Variants in MRPL38 observed in about 807,000 individuals in gnomAD.
MRPL38 encodes the protein large ribosomal subunit protein mL38.
A neutral mutation model predicts 52.1 loss-of-function variants in MRPL38; 51 were observed. The ratio of observed to expected loss-of-function variants is 0.98; its 90% CI spans 0.78 to 1.24. The LOEUF (loss-of-function observed/expected upper bound fraction) is 1.24. Among genes scored for constraint, MRPL38 ranks in the 50% most tolerant of loss-of-function variants. The pLI is 0.00. For synonymous variants in MRPL38, 245 were observed against 212.7 expected, an observed-to-expected ratio of 1.15 and a Z score of -1.32; for missense variants, 527 against 518.6, an observed-to-expected ratio of 1.02 and a Z score of -0.16.
chr17:75,904,378 A>AT, intron 2 of MRPL38, 162 bp downstream of exon 2: 1 of 802,394 alleles, frequency 1.2e-6, no homozygotes, highest in Non-Finnish European at 2.2e-6. Context: ...TCCTGGGGTG[A>AT]TTAAGCTGCC....
Position 75,901,030 on chromosome 17 carries a change from G to A in MRPL38, c.665-3C>T. 3 of 1,611,866 alleles carry A rather than the reference G, an allele frequency of 1.9e-6. No homozygotes were observed. Among genetic ancestry groups the A allele is most frequent in the South Asian group, 1.1e-5 (1 of 90,706 alleles). On this transcript the variant is annotated splice_polypyrimidine_tract_variant and splice_region_variant and intron_variant, in intron 5 of 8. Coordinates refer to ENST00000309352, the MANE Select transcript of MRPL38 (RefSeq NM_032478.4). The surrounding 1 kb of genome is among the most constrained non-coding windows in gnomAD (Gnocchi z 5.7). ...ATCTGGCTCCAGCAGGTGCCCATCT[G>A]CACAAAAACACACCTGCTGACCACG...
At chr17:75,900,948 C>A (rs961501322) in intron 6 of MRPL38, 34 bp downstream of exon 6, 6 of 1,574,558 alleles carry the variant, frequency 3.8e-6, no homozygotes, top group Non-Finnish European at 5.1e-6. Flanking sequence ...CCCGCCTGGG[C>A]AGCACCCCCT....
Position 75,904,595 on chromosome 17 carries a change from C to G in MRPL38, c.192G>C (p.Glu64Asp). ...TCCGCCACCAGTGCGGGGCCTGCGC[C>G]TCCTGCTCTGCTCGGCGCCGGTAGC... is the stretch of plus-strand genomic sequence containing the variant. Reference protein sequence around the residue: ...FDRYRRRAEQEAQAPHWWRTY... With the variant: ...FDRYRRRAEQDAQAPHWWRTY... The change falls in exon 2 of 9, where the codon GAG becomes GAC. Residue 64 changes from glutamate to aspartate, a missense_variant. Glu to Asp is a conservative substitution (Grantham distance 45). Coordinates refer to ENST00000309352, the MANE Select transcript of MRPL38 (RefSeq NM_032478.4). 6.3e-7 allele frequency: 1 copy of G among 1,591,896 alleles called. No individual in the cohort carries two copies. The highest frequency in any genetic ancestry group is 2.2e-5 in the East Asian group (1 of 44,570).
Position 75,901,462 on chromosome 17 carries a change from G to A in MRPL38, c.592-189C>T, listed in dbSNP as rs1317483721. The A allele has an allele frequency of 4.4e-6, 3 of 689,466 alleles. No individual in the cohort carries two copies. Among genetic ancestry groups the A allele is most frequent in the Non-Finnish European group, 4.9e-6 (2 of 405,110 alleles). The allele number at this position is 689,466 out of a possible 1,614,324, so 42.7% of individuals were successfully genotyped here. ...CTGTCCAGGCAACAACCACAAAAAC[G>A]AACATGTGCCAAGGCCGGGCCAGGA... is the stretch of plus-strand genomic sequence containing the variant. On this transcript the variant is annotated intron_variant, in intron 4 of 8. Coordinates refer to ENST00000309352, the MANE Select transcript of MRPL38 (RefSeq NM_032478.4). The surrounding 1 kb of genome is among the most constrained non-coding windows in gnomAD (Gnocchi z 5.7).
rs771262264 is a variant in MRPL38 at position 75,902,037 on chromosome 17, G to C, written c.365C>G (p.Ala122Gly). 1 of 1,613,668 alleles carries C rather than the reference G, an allele frequency of 6.2e-7. No homozygotes were observed. Among genetic ancestry groups the C allele is most frequent in the East Asian group, 2.2e-5 (1 of 44,876 alleles). The change falls in exon 3 of 9, where the codon GCT becomes GGT. Residue 122 changes from alanine to glycine, a missense_variant. Transcript: ENST00000309352. ...ELRANVEEERAARLRTASVPL... is the reference protein window; with the variant it reads ...ELRANVEEERGARLRTASVPL... ...AGGCTTACCTGTGCGGAGGCGGGCAGCCCGCTCCTCTTCCACATTGGCCCG... is the reference window on the plus strand; with the variant it reads ...AGGCTTACCTGTGCGGAGGCGGGCACCCCGCTCCTCTTCCACATTGGCCCG...
At position 75,899,304 on chromosome 17, in the gene MRPL38, G is replaced by A. The variant is rs1441144524; in HGVS notation, c.870-10C>T. On this transcript the variant is annotated splice_polypyrimidine_tract_variant and intron_variant, in intron 7 of 8. Coordinates refer to ENST00000309352, the MANE Select transcript of MRPL38 (RefSeq NM_032478.4). ...CTGGGCCAGCTGATAGCTATGAGAA[G>A]ATAGAGAGCGTATGAGAGTGTGGAG... 1.2e-6 allele frequency: 2 copies of A among 1,611,706 alleles called. No homozygotes were observed. The highest frequency in any genetic ancestry group is 2.2e-5 in the East Asian group (1 of 44,866).
intron 6 of MRPL38, 129 bp downstream of exon 6, chr17:75,900,853 A>T: frequency 6.9e-7 from 1 of 1,451,776 alleles, no homozygotes. Flanking sequence ...CACCCTCAGG[A>T]GGCAGAGGTG....
At chr17:75,904,491 C>T in intron 2 of MRPL38, 49 bp downstream of exon 2, 3 of 1,468,876 alleles carry the variant, frequency 2.0e-6, no homozygotes, top group South Asian at 2.8e-5. Flanking sequence ...CCGGCGGGTC[C>T]CGAGTTCCCC....
At chr17:75,904,787 C>A in intron 1 of MRPL38, 22 bp downstream of exon 1, 2 of 1,296,778 alleles carry the variant, frequency 1.5e-6, no homozygotes, top group Middle Eastern at 2.6e-4. Flanking sequence ...CCCCCCCCCC[C>A]GCAGAGCTGC....
rs770023567 is a variant in MRPL38, at chr17:75,904,771, C to A, written c.67+38G>T. On this transcript the variant is annotated intron_variant, in intron 1 of 8. Transcript: ENST00000309352. ...CGGCGCCCCACAGCTCGGGCGACAG[C>A]CCCCCCCCCCCCCCCCGCAGAGCTG... is the stretch of plus-strand genomic sequence containing the variant. The A allele has an allele frequency of 2.9e-4, 6 of 20,698 alleles. No individual in the cohort carries two copies. In the South Asian group the frequency reaches 4.5e-3, roughly 16 times the overall value. The allele number at this position is 20,698 out of a possible 1,614,324, so 1.3% of individuals were successfully genotyped here.
At chr17:75,900,771 G>A in intron 6 of MRPL38, 1 of 1,392,924 alleles carries the variant, frequency 7.2e-7, no homozygotes, top group Admixed American at 3.2e-5. Flanking sequence ...TGTGGGGACT[G>A]ACCGAGGCCT....
Position 75,902,173 on chromosome 17 carries a change from TG to T in MRPL38, c.248-20del. 1 of 1,550,832 alleles carries T rather than the reference TG, an allele frequency of 6.4e-7. No homozygotes were observed. The highest frequency in any genetic ancestry group is 8.7e-7 in the Non-Finnish European group (1 of 1,146,524). On this transcript the variant is annotated intron_variant, in intron 2 of 8. Coordinates refer to ENST00000309352, the MANE Select transcript of MRPL38 (RefSeq NM_032478.4). ...TTGGGATCTGGAGTGGGAAGATGTG[TG>T]GGAAAAACAGGGTCATGACTCACTG...
intron 2 of MRPL38, among the ~76,000 whole-genome samples, chr17:75,902,940 G>A (rs935973386): frequency 6.6e-6 from 1 of 152,116 alleles, no homozygotes; most frequent in Non-Finnish European, 1.5e-5. Flanking sequence ...GGCTAGGCTG[G>A]AGGCTGTGTT....
At position 75,904,533 on chromosome 17, in the gene MRPL38, C is replaced by A; in HGVS notation, c.247+7G>T. Reference sequence around the variant, plus strand: ...TGGCTGCAGCCCCTGCTCCAGTCGCCCCGCACCTGTCTTCTCCCCGAAATA... The same window carrying A: ...TGGCTGCAGCCCCTGCTCCAGTCGCACCGCACCTGTCTTCTCCCCGAAATA... On this transcript the variant is annotated splice_region_variant and intron_variant, in intron 2 of 8. Coordinates refer to ENST00000309352, the MANE Select transcript of MRPL38 (RefSeq NM_032478.4). 6.5e-7 allele frequency: 1 copy of A among 1,528,422 alleles called. No homozygotes were observed. The highest frequency in any genetic ancestry group is 1.2e-5 in the South Asian group (1 of 81,126). 94.7% of individuals were successfully genotyped at this position (1,528,422 alleles called of 1,614,324 possible).
rs765054247 is a variant in MRPL38 at position 75,902,144 on chromosome 17, C to T, written c.258G>A (p.Glu86=). Residue 86 remains glutamate, a synonymous_variant, in exon 3 of 9, where the codon GAG becomes GAA. Coordinates refer to ENST00000309352, the MANE Select transcript of MRPL38 (RefSeq NM_032478.4). ...GTGGAGGCAGCCCAATATCAATCTT[C>T]TCTTTGGGATCTGGAGTGGGAAGAT... The part of the protein sequence containing the change: ...EYFGEKTDPK[E]KIDIGLPPPK... 1.3e-6 allele frequency: 2 copies of T among 1,560,930 alleles called. No homozygotes were observed. The highest frequency in any genetic ancestry group is 1.7e-6 in the Non-Finnish European group (2 of 1,152,414).
At position 75,904,596 on chromosome 17, in the gene MRPL38, T is replaced by C; in HGVS notation, c.191A>G (p.Glu64Gly). The part of the protein sequence containing the change: ...FDRYRRRAEQ[E>G]AQAPHWWRTY... Reference sequence around the variant, plus strand: ...CCGCCACCAGTGCGGGGCCTGCGCCTCCTGCTCTGCTCGGCGCCGGTAGCG... The same window carrying C: ...CCGCCACCAGTGCGGGGCCTGCGCCCCCTGCTCTGCTCGGCGCCGGTAGCG... Residue 64 changes from glutamate (E) to glycine (G), a missense_variant, in exon 2 of 9, where the codon GAG (glutamate) becomes GGG (glycine). Glu to Gly is a moderately conservative substitution (Grantham distance 98, BLOSUM62 -2). Coordinates refer to ENST00000309352, the MANE Select transcript of MRPL38 (RefSeq NM_032478.4). The C allele has an allele frequency of 6.3e-7, 1 of 1,591,652 alleles. No individual in the cohort carries two copies. The highest frequency in any genetic ancestry group is 8.5e-7 in the Non-Finnish European group (1 of 1,176,320).
rs2065388681 is a variant in MRPL38 at position 75,898,833 on chromosome 17, G to A, written c.*17C>T. 6.2e-7 allele frequency: 1 copy of A among 1,611,500 alleles called. No homozygotes were observed. ...GCCGATCAATCCCATGCTCTGAAAT[G>A]CGCACACTCTGGCTCCTTAGTAGAT... On this transcript the variant is annotated 3_prime_UTR_variant, in exon 9 of 9. Coordinates refer to ENST00000309352, the MANE Select transcript of MRPL38 (RefSeq NM_032478.4).
Position 75,901,894 on chromosome 17 carries a change from C to T in MRPL38, c.409G>A (p.Ala137Thr). The change falls in exon 4 of 9, where the codon GCC (alanine) becomes ACC (threonine). Residue 137 changes from alanine (A) to threonine (T), a missense_variant. Physicochemically the swap from Ala to Thr is moderately conservative, Grantham distance 58 (BLOSUM62 0). Transcript: ENST00000309352. The surrounding 1 kb of genome is among the most constrained non-coding windows in gnomAD (Gnocchi z 5.7). ...GGGCCACAGGTCCTCTCCCACTCGG[C>T]CCGCACGGCATCCAGCGGGACACTG... ...TASVPLDAVR[A>T]EWERTCGPYH... 6.2e-7 allele frequency: 1 copy of T among 1,612,526 alleles called. No homozygotes were observed. Among genetic ancestry groups the T allele is most frequent in the Non-Finnish European group, 8.5e-7 (1 of 1,179,610 alleles).
intron 2 of MRPL38, 77 bp from the exon 3 acceptor site, chr17:75,902,231 G>A: frequency 6.8e-7 from 1 of 1,469,800 alleles, no homozygotes; most frequent in South Asian, 1.3e-5. Context: ...AGTCTCCTGA[G>A]TAGCTGGGGC....
Sources: gnomAD v4.1 joint callset for allele counts (sites outside exome capture counted in the v4.1 genomes callset) on GRCh38, gnomAD v4.1.1 for gene constraint, Gnocchi (gnomAD v3.1) non-coding constraint, MANE v1.5 for transcripts, NCBI Gene and HGNC (gene_info 2026-07-23, HGNC 2026-07-21) for gene names.